Variants in MDGA2 observed in about 807,000 individuals in gnomAD.
MDGA2 encodes the protein MAM domain-containing glycosylphosphatidylinositol anchor protein 2.
Under a neutral mutation model 117.8 loss-of-function variants are expected in MDGA2, and 40 were observed. That is an observed-to-expected ratio of 0.34 (90% confidence interval 0.26 to 0.44). The LOEUF is 0.44. MDGA2 is among the 20% of genes least tolerant of loss of function. The pLI, the probability that MDGA2 is intolerant of heterozygous loss-of-function variation, is 1.00. For synonymous variants in MDGA2, 452 were observed against 439.0 expected (o/e 1.03, Z -0.37); for missense variants, 1,123 against 1,250.6 (o/e 0.90, Z 1.54).
chr14:47,031,218 A>G (rs1218058325), intron 8 of MDGA2, among the ~76,000 whole-genome samples: 1 of 137,140 alleles, frequency 7.3e-6, no homozygotes, highest in Non-Finnish European at 1.6e-5. Context: ...AGAAATATAT[A>G]TATATATATA....
chr14:47,495,394 G>T (rs1322402914), intron 1 of MDGA2, among the ~76,000 whole-genome samples: 1 of 151,274 alleles, frequency 6.6e-6, no homozygotes, highest in East Asian at 1.9e-4. Context: ...AACTCCACTT[G>T]TATCCCTAAA....
chr14:47,120,476 A>G (rs1594643120), intron 5 of MDGA2, among the ~76,000 whole-genome samples: 1 of 152,328 alleles, frequency 6.6e-6, no homozygotes, highest in East Asian at 1.9e-4. Context: ...ATACCTTTGA[A>G]ATATGAACTA....
intron 3 of MDGA2, among the ~76,000 whole-genome samples, chr14:47,191,821 C>T (rs1342166311): frequency 1.3e-5 from 2 of 152,098 alleles, no homozygotes; most frequent in Non-Finnish European, 2.9e-5. Context: ...AGCTTTTCTT[C>T]TCAGAGTCAG....
At chr14:47,226,789 T>C (rs905268363) in intron 2 of MDGA2, among the ~76,000 whole-genome samples, 4 of 152,148 alleles carry the variant, frequency 2.6e-5, no homozygotes, top group Non-Finnish European at 5.9e-5. Flanking sequence ...ATGTTATTGT[T>C]CCATCCTCTG....
At chr14:47,637,272 G>C (rs1032833544) in intron 1 of MDGA2, among the ~76,000 whole-genome samples, 3 of 152,138 alleles carry the variant, frequency 2.0e-5, no homozygotes, top group Admixed American at 1.3e-4. Context: ...AATAATTCAA[G>C]CGCTTCTAAC....
intron 1 of MDGA2, among the ~76,000 whole-genome samples, chr14:47,630,588 T>C (rs1933164484): frequency 1.3e-5 from 2 of 152,180 alleles, no homozygotes; most frequent in Non-Finnish European, 1.5e-5. Flanking sequence ...TCCTATACTT[T>C]CAGTTGTCTA....
chr14:46,877,062 T>C (rs908469778), intron 12 of MDGA2, among the ~76,000 whole-genome samples: 8 of 151,494 alleles, frequency 5.3e-5, no homozygotes, highest in Admixed American at 1.3e-4. Context: ...TAAAAGAAAG[T>C]CTCAATTAAA....
At chr14:47,038,611 T>C (rs1433316846) in intron 7 of MDGA2, among the ~76,000 whole-genome samples, 1 of 152,042 alleles carries the variant, frequency 6.6e-6, no homozygotes, top group Non-Finnish European at 1.5e-5. Context: ...TTTTACAAAA[T>C]AGCAAAATCT....
intron 4 of MDGA2, among the ~76,000 whole-genome samples, chr14:47,133,935 G>A (rs1882330273): frequency 6.6e-6 from 1 of 151,898 alleles, no homozygotes; most frequent in African/African-American, 2.4e-5. Context: ...GCTTAAGAAT[G>A]CAAGCAAGCC....
At chr14:47,027,543 T>C (rs1200237135) in intron 8 of MDGA2, among the ~76,000 whole-genome samples, 1 of 151,798 alleles carries the variant, frequency 6.6e-6, no homozygotes, top group African/African-American at 2.4e-5. Context: ...GTGCTTATTT[T>C]CCTTACATGA....
chr14:47,212,385 C>T (rs1042201511), intron 3 of MDGA2, among the ~76,000 whole-genome samples: 7 of 152,060 alleles, frequency 4.6e-5, no homozygotes, highest in Non-Finnish European at 7.4e-5. Context: ...GTAACAAGAA[C>T]CTCCAAGGTA....
chr14:47,353,864 C>G (rs1220101100), intron 1 of MDGA2, among the ~76,000 whole-genome samples: 1 of 152,126 alleles, frequency 6.6e-6, no homozygotes, highest in Non-Finnish European at 1.5e-5. Context: ...AAGAAAACTA[C>G]AGGCCAATAT....
chr14:47,396,565 G>T (rs1393347167), intron 1 of MDGA2, among the ~76,000 whole-genome samples: 4 of 152,036 alleles, frequency 2.6e-5, no homozygotes, highest in Non-Finnish European at 5.9e-5. Flanking sequence ...TACAGAATGG[G>T]AGAAAATTTT....
chr14:47,422,906 T>C (rs1892608149), intron 1 of MDGA2, among the ~76,000 whole-genome samples: 1 of 152,118 alleles, frequency 6.6e-6, no homozygotes, highest in Non-Finnish European at 1.5e-5. Context: ...GGATTTTAAA[T>C]AGATAGATGA....
intron 1 of MDGA2, among the ~76,000 whole-genome samples, chr14:47,647,840 A>G (rs911303251): frequency 4.7e-4 from 71 of 152,288 alleles, no homozygotes; most frequent in Admixed American, 3.3e-3. Context: ...TCTGAATTCT[A>G]TAAAATTATT....
chr14:47,403,558 C>T (rs1020718507), intron 1 of MDGA2, among the ~76,000 whole-genome samples: 6 of 152,234 alleles, frequency 3.9e-5, no homozygotes, highest in African/African-American at 1.4e-4. Flanking sequence ...TCTCCATCTC[C>T]ACTGCCATTG....
At chr14:46,913,356 T>G (rs917400443) in intron 10 of MDGA2, among the ~76,000 whole-genome samples, 2 of 152,158 alleles carry the variant, frequency 1.3e-5, no homozygotes, top group Non-Finnish European at 2.9e-5. Flanking sequence ...GAATCCAGAT[T>G]ATCAAATCTC....
intron 1 of MDGA2, among the ~76,000 whole-genome samples, chr14:47,579,919 CAT>C (rs1222235422): frequency 6.6e-6 from 1 of 152,060 alleles, no homozygotes; most frequent in Non-Finnish European, 1.5e-5. Flanking sequence ...AGTATTATTA[CAT>C]GTTACTATGC....
chr14:47,377,649 G>A (rs1299699406), intron 1 of MDGA2, among the ~76,000 whole-genome samples: 1 of 152,184 alleles, frequency 6.6e-6, no homozygotes, highest in Non-Finnish European at 1.5e-5. Flanking sequence ...CTCCAAGGTG[G>A]CAGTGAGGCT....
Sources: gnomAD v4.1 joint callset for allele counts (sites outside exome capture counted in the v4.1 genomes callset) on GRCh38, gnomAD v4.1.1 for gene constraint, MANE v1.5 for transcripts, NCBI Gene and HGNC (gene_info 2026-07-23, HGNC 2026-07-21) for gene names.